The following EXOC6B variants were observed in gnomAD, a reference collection of about 807,000 sequenced individuals.
EXOC6B encodes exocyst complex component 6B, also known as SEC15 homolog B.
In EXOC6B, 54 loss-of-function variants were observed where a neutral mutation model predicts 113.5. The observed-to-expected ratio is 0.48, with a 90% CI of 0.38 to 0.60. The LOEUF (loss-of-function observed/expected upper bound fraction) is 0.60. Among genes scored for constraint, EXOC6B ranks in the 20% least tolerant of loss-of-function variants. The pLI, the probability that EXOC6B is intolerant of heterozygous loss-of-function variation, is 0.00. For missense variants in EXOC6B, 797 were observed against 977.5 expected (o/e 0.82, Z 2.46); for synonymous variants, 357 against 339.0 (o/e 1.05, Z -0.58).
chr2:72,290,143 T>TA (rs1685694047), intron 20 of EXOC6B, among the ~76,000 whole-genome samples: 1 of 152,254 alleles, frequency 6.6e-6, no homozygotes, highest in Non-Finnish European at 1.5e-5. Flanking sequence ...ACTTGAACTG[T>TA]AATTATATCA....
intron 20 of EXOC6B, among the ~76,000 whole-genome samples, chr2:72,229,940 T>C (rs1479291898): frequency 6.6e-6 from 1 of 152,064 alleles, no homozygotes; most frequent in African/African-American, 2.4e-5. Context: ...TCTCAAAGCA[T>C]CTTAAAAAGG....
chr2:72,340,648 G>GA (rs901182412), intron 19 of EXOC6B, among the ~76,000 whole-genome samples: 45 of 152,130 alleles, frequency 3.0e-4, no homozygotes, highest in African/African-American at 1.0e-3. Context: ...GATAAGTAGG[G>GA]AAAAAAAGCA....
chr2:72,249,922 T>C (rs950558813), intron 20 of EXOC6B, among the ~76,000 whole-genome samples: 5 of 152,218 alleles, frequency 3.3e-5, no homozygotes, highest in African/African-American at 1.2e-4. Flanking sequence ...CTTTATCAAG[T>C]TGTTTAGGTT....
Position 72,825,642 on chromosome 2 carries a change from G to A in EXOC6B, c.113+156C>T, listed in dbSNP as rs574361053. On this transcript the variant is annotated intron_variant, in intron 1 of 21. Coordinates refer to ENST00000272427, the MANE Select transcript of EXOC6B (RefSeq NM_015189.3). This position sits in a 1 kb window ranked among gnomAD's most constrained non-coding sequence, Gnocchi z 4.4. The stretch of plus-strand genomic sequence containing the variant: ...CGCCGGGAAGGGACCCCGCGTCGGG[G>A]CTGCGAAGGGAGACCCGCCTCGCCC... Among the ~76,000 whole-genome samples the A allele has an allele frequency of 3.3e-5, 5 of 152,352 alleles. No homozygotes were observed. The highest frequency in any genetic ancestry group is 1.9e-4 in the East Asian group (1 of 5,166).
At chr2:72,649,733 T>C (rs896587712) in intron 6 of EXOC6B, among the ~76,000 whole-genome samples, 18 of 152,090 alleles carry the variant, frequency 1.2e-4, no homozygotes, top group African/African-American at 4.3e-4. Context: ...CATAATTCAA[T>C]GGAACAGAAG....
chr2:72,223,293 C>T (rs1316964074), intron 20 of EXOC6B, among the ~76,000 whole-genome samples: 1 of 152,202 alleles, frequency 6.6e-6, no homozygotes, highest in African/African-American at 2.4e-5. Context: ...ACCATACACA[C>T]TTAGACTTTG....
At chr2:72,603,024 G>T (rs1258904123) in intron 6 of EXOC6B, among the ~76,000 whole-genome samples, 1 of 151,596 alleles carries the variant, frequency 6.6e-6, no homozygotes, top group African/African-American at 2.4e-5. Context: ...AAGAGGAGTG[G>T]GTGGGAGGGA....
At chr2:72,411,487 T>G (rs181250863) in intron 18 of EXOC6B, among the ~76,000 whole-genome samples, 1 of 152,090 alleles carries the variant, frequency 6.6e-6, no homozygotes, top group African/African-American at 2.4e-5. Flanking sequence ...AGCATATAGA[T>G]GGGACCTCAA....
At chr2:72,740,902 A>ACT (rs1307240021) in intron 2 of EXOC6B, among the ~76,000 whole-genome samples, 1 of 152,096 alleles carries the variant, frequency 6.6e-6, no homozygotes, top group Non-Finnish European at 1.5e-5. Flanking sequence ...GGAGATCGAG[A>ACT]CCATCCTGGC....
At chr2:72,491,185 T>G (rs1212495185) in intron 16 of EXOC6B, among the ~76,000 whole-genome samples, 1 of 152,164 alleles carries the variant, frequency 6.6e-6, no homozygotes, top group Admixed American at 6.6e-5. Context: ...GAAAGGAAGC[T>G]CTGTAAAATG....
intron 1 of EXOC6B, among the ~76,000 whole-genome samples, chr2:72,768,609 CTTTT>C (rs34607791): frequency 2.2e-5 from 3 of 136,212 alleles, no homozygotes; most frequent in Admixed American, 7.2e-5. Context: ...CCGGCCTAAG[CTTTT>C]TTTTTTTTTT....
At chr2:72,511,253 G>A (rs891845582) in intron 11 of EXOC6B, among the ~76,000 whole-genome samples, 1 of 152,044 alleles carries the variant, frequency 6.6e-6, no homozygotes, top group Non-Finnish European at 1.5e-5. Context: ...TTGCTGCTTA[G>A]ATGGCACAAA....
At chr2:72,789,129 A>G (rs1020723447) in intron 1 of EXOC6B, among the ~76,000 whole-genome samples, 5 of 152,188 alleles carry the variant, frequency 3.3e-5, no homozygotes, top group African/African-American at 1.2e-4. Flanking sequence ...GGGTTTTTCT[A>G]ATTAGAATGA....
intron 8 of EXOC6B, among the ~76,000 whole-genome samples, chr2:72,555,846 C>A (rs1002060840): frequency 5.3e-5 from 8 of 152,106 alleles, no homozygotes; most frequent in Non-Finnish European, 1.2e-4. Context: ...AGAGTTTCAC[C>A]ATGTTGCCAG....
In EXOC6B at chr2:72,690,364, C is replaced by T. The variant is rs115475745; in HGVS notation, c.669+27739G>A. Among the ~76,000 whole-genome samples the T allele has an allele frequency of 6.1e-3, 926 of 152,296 alleles. 8 individuals are homozygous for T. The highest frequency in any genetic ancestry group is 0.02 in the African/African-American group (849 of 41,550). ...ATTCTTTATTAAGCAGAATATCTTA[C>T]TTTCTAAGGTAAACTAGCCTGATCA... On this transcript the variant is annotated intron_variant, in intron 6 of 21. Transcript: ENST00000272427.
At chr2:72,333,220 C>T (rs188970266) in intron 20 of EXOC6B, among the ~76,000 whole-genome samples, 6 of 152,264 alleles carry the variant, frequency 3.9e-5, no homozygotes, top group Non-Finnish European at 7.4e-5. Context: ...ACAGTGCTCA[C>T]TGAGAGCTTA....
intron 19 of EXOC6B, among the ~76,000 whole-genome samples, chr2:72,344,123 A>G (rs1029358593): frequency 4.0e-4 from 61 of 152,030 alleles, no homozygotes; most frequent in Admixed American, 2.0e-4. Context: ...TTTTTCAATC[A>G]TCTTTCTTTC....
intron 1 of EXOC6B, among the ~76,000 whole-genome samples, chr2:72,768,411 C>T (rs1683223913): frequency 6.6e-6 from 1 of 151,518 alleles, no homozygotes. Flanking sequence ...CTTGCCGCAG[C>T]CTCCCGAGTA....
At chr2:72,350,556 T>C (rs1250507338) in intron 19 of EXOC6B, among the ~76,000 whole-genome samples, 1 of 152,218 alleles carries the variant, frequency 6.6e-6, no homozygotes, top group Non-Finnish European at 1.5e-5. Context: ...TTTGATGTGG[T>C]GTTTTCCCTT....
Sources: gnomAD v4.1 joint callset for allele counts (sites outside exome capture counted in the v4.1 genomes callset) on GRCh38, gnomAD v4.1.1 for gene constraint, Gnocchi (gnomAD v3.1) non-coding constraint, MANE v1.5 for transcripts, NCBI Gene and HGNC (gene_info 2026-07-23, HGNC 2026-07-21) for gene names.